The following TRHDE variants were observed in gnomAD, a reference collection of about 807,000 sequenced individuals.
TRHDE encodes thyrotropin-releasing hormone-degrading ectoenzyme.
Under a neutral mutation model 125.7 loss-of-function variants are expected in TRHDE, and 72 were observed. That is an observed-to-expected ratio of 0.57 (90% CI 0.47 to 0.70). The LOEUF (loss-of-function observed/expected upper bound fraction) is 0.70. Among genes scored for constraint, TRHDE ranks in the 30% least tolerant of loss-of-function variants. The probability of loss-of-function intolerance (pLI) is 0.00; values close to 1 mark genes in which losing one functional copy is unlikely to be tolerated. For missense variants in TRHDE, 1,110 were observed against 1,327.1 expected, an observed-to-expected ratio of 0.84 and a Z score of 2.54; for synonymous variants, 509 against 509.1, an observed-to-expected ratio of 1.00 and a Z score of 0.00.
intron 6 of TRHDE, among the ~76,000 whole-genome samples, chr12:72,519,277 G>C (rs1297233889): frequency 6.6e-6 from 1 of 152,146 alleles, no homozygotes; most frequent in East Asian, 1.9e-4. Context: ...TCACTTTCAG[G>C]TCACCAATCA....
At chr12:72,334,510 C>A (rs553482732) in intron 2 of TRHDE, among the ~76,000 whole-genome samples, 1 of 152,288 alleles carries the variant, frequency 6.6e-6, no homozygotes, top group Non-Finnish European at 1.5e-5. Context: ...TTATAGTGTA[C>A]TTTTTACAGG....
At chr12:72,602,927 A>G (rs1477604610) in intron 12 of TRHDE, among the ~76,000 whole-genome samples, 2 of 152,200 alleles carry the variant, frequency 1.3e-5, no homozygotes, top group African/African-American at 4.8e-5. Context: ...TATGGATGGT[A>G]TTTAAACATA....
At chr12:72,294,967 C>T (rs950427602) in intron 2 of TRHDE, among the ~76,000 whole-genome samples, 3 of 151,908 alleles carry the variant, frequency 2.0e-5, no homozygotes, top group Non-Finnish European at 2.9e-5. Context: ...TAGGAGCAGG[C>T]AAGGACAGCA....
At chr12:72,581,777 C>T (rs1290850064) in intron 12 of TRHDE, among the ~76,000 whole-genome samples, 2 of 152,000 alleles carry the variant, frequency 1.3e-5, no homozygotes, top group African/African-American at 4.8e-5. Flanking sequence ...GCATAAGGAC[C>T]TGTGTCTAGA....
intron 5 of TRHDE, among the ~76,000 whole-genome samples, chr12:72,495,498 C>T (rs1231178637): frequency 2.0e-5 from 3 of 152,056 alleles, no homozygotes; most frequent in African/African-American, 7.2e-5. Context: ...TTCAACAACC[C>T]ACTTTAATGT....
chr12:72,622,378 G>T (rs995832189), intron 15 of TRHDE, among the ~76,000 whole-genome samples: 2 of 151,848 alleles, frequency 1.3e-5, no homozygotes, highest in Non-Finnish European at 2.9e-5. Flanking sequence ...AAAAATAATC[G>T]AAGATTATTG....
chr12:72,388,124 A>G (rs12308854), intron 3 of TRHDE, among the ~76,000 whole-genome samples: 3,799 of 151,680 alleles, frequency 0.025, 157 homozygotes, highest in African/African-American at 0.088. Flanking sequence ...GGCCAAACCC[A>G]TTCCAACCCA....
intron 7 of TRHDE, among the ~76,000 whole-genome samples, chr12:72,552,266 A>G (rs1869714704): frequency 6.6e-6 from 1 of 152,198 alleles, no homozygotes; most frequent in Non-Finnish European, 1.5e-5. Context: ...GGATATTTTT[A>G]TATTCAGGTA....
At chr12:72,297,850 C>T (rs577556711) in intron 2 of TRHDE, among the ~76,000 whole-genome samples, 7 of 152,216 alleles carry the variant, frequency 4.6e-5, no homozygotes, top group East Asian at 1.9e-4. Context: ...ATTACTTATG[C>T]GGCAGACGGA....
At chr12:72,235,360 A>G (rs1007015153) in intron 2 of TRHDE, among the ~76,000 whole-genome samples, 8 of 152,202 alleles carry the variant, frequency 5.3e-5, no homozygotes, top group African/African-American at 1.9e-4. Flanking sequence ...CCCATTTCAC[A>G]AGTGAAAAAA....
Position 72,563,038 on chromosome 12 carries a change from C to T in TRHDE, c.2040C>T (p.Asn680=). 6.4e-7 allele frequency: 1 copy of T among 1,571,532 alleles called. No homozygotes were observed. The highest frequency in any genetic ancestry group is 8.6e-7 in the Non-Finnish European group (1 of 1,158,118). Residue 680 remains asparagine, a splice_region_variant and synonymous_variant, in exon 9 of 19, where the codon AAC becomes AAT. Coordinates refer to ENST00000261180, the MANE Select transcript of TRHDE (RefSeq NM_013381.3). The part of the protein sequence containing the change: ...AKTKALKLQN[N]SYLWQIPLTI... Reference sequence around the variant, plus strand: ...CTAAAGCACTTAAACTTCAGAATAACAGGTATGACATTCTTTTTTACGTGA... The same window carrying T: ...CTAAAGCACTTAAACTTCAGAATAATAGGTATGACATTCTTTTTTACGTGA...
rs1273272766 is a variant in TRHDE at position 72,668,146 on chromosome 12, G to GT, written c.*4957dup. 5.3e-5 allele frequency: 8 copies of GT among 151,564 alleles called. No homozygotes were observed. In the South Asian group the frequency reaches 8.3e-4, roughly 16 times the overall value. The allele number at this position is 151,564 out of a possible 1,614,324, so 9.4% of individuals were successfully genotyped here. ...TCAATTGCTTTGAACTAATGATGAA[G>GT]TTTTTTAAAATATTAAGTATTTTAT... On this transcript the variant is annotated 3_prime_UTR_variant, in exon 19 of 19. Transcript: ENST00000261180.
intron 6 of TRHDE, among the ~76,000 whole-genome samples, chr12:72,528,523 C>CTT (rs200783443): frequency 6.7e-6 from 1 of 149,786 alleles, no homozygotes; most frequent in Non-Finnish European, 1.5e-5. Flanking sequence ...TTCTGAGCTT[C>CTT]TTTTTTTTTT....
intron 3 of TRHDE, among the ~76,000 whole-genome samples, chr12:72,440,564 A>G (rs892952470): frequency 6.6e-5 from 10 of 151,956 alleles, no homozygotes; most frequent in Non-Finnish European, 4.4e-5. Flanking sequence ...TATAAATGCT[A>G]GCACATATAT....
At chr12:72,352,089 C>T (rs1008258393) in intron 2 of TRHDE, among the ~76,000 whole-genome samples, 4 of 151,804 alleles carry the variant, frequency 2.6e-5, no homozygotes, top group Non-Finnish European at 5.9e-5. Context: ...TTTAAATGAA[C>T]GTTTGTCTCC....
intron 6 of TRHDE, among the ~76,000 whole-genome samples, chr12:72,511,061 G>T (rs1049248940): frequency 6.6e-5 from 10 of 152,064 alleles, no homozygotes; most frequent in African/African-American, 1.9e-4. Context: ...ATATAAGAAA[G>T]AACTTCTTGA....
chr12:72,387,418 CTT>C (rs1381260370), intron 3 of TRHDE, among the ~76,000 whole-genome samples: 3 of 152,280 alleles, frequency 2.0e-5, no homozygotes, highest in South Asian at 2.1e-4. Flanking sequence ...CCACCATACT[CTT>C]TTGCTTTCCA....
chr12:72,386,470 T>G (rs905093104), intron 3 of TRHDE, among the ~76,000 whole-genome samples: 16 of 152,202 alleles, frequency 1.1e-4, no homozygotes, highest in Admixed American at 1.0e-3. Flanking sequence ...CTCAAGGACA[T>G]TGCTTCAGGA....
At chr12:72,610,434 G>A (rs181473596) in intron 12 of TRHDE, among the ~76,000 whole-genome samples, 52 of 152,320 alleles carry the variant, frequency 3.4e-4, no homozygotes, top group African/African-American at 6.5e-4. Flanking sequence ...GAAAGACCAC[G>A]TGGCACATTT....
Sources: gnomAD v4.1 joint callset for allele counts (sites outside exome capture counted in the v4.1 genomes callset) on GRCh38, gnomAD v4.1.1 for gene constraint, MANE v1.5 for transcripts, NCBI Gene and HGNC (gene_info 2026-07-23, HGNC 2026-07-21) for gene names.